The following MNAT1 variants were observed in gnomAD, a reference collection of about 807,000 sequenced individuals.
MNAT1 encodes MNAT1 component of CDK activating kinase.
Under a neutral mutation model 42.0 loss-of-function variants are expected in MNAT1, and 43 were observed. The ratio of observed to expected loss-of-function variants is 1.02; its 90% CI spans 0.80 to 1.32. The LOEUF (loss-of-function observed/expected upper bound fraction) is 1.32, where lower values mean the gene tolerates loss of function less well. Ranked by LOEUF, MNAT1 falls within the 40% of genes most tolerant of loss-of-function variation. MNAT1 has a pLI of 0.00. For synonymous variants in MNAT1, 118 were observed against 120.0 expected, an observed-to-expected ratio of 0.98 and a Z score of 0.11; for missense variants, 306 against 350.4, an observed-to-expected ratio of 0.87 and a Z score of 1.01.
At chr14:60,951,618 A>G (rs898443748) in intron 7 of MNAT1, among the ~76,000 whole-genome samples, 1 of 152,064 alleles carries the variant, frequency 6.6e-6, no homozygotes, top group Admixed American at 6.6e-5. Context: ...TCCTTGCCGT[A>G]TGGCAGCTAT....
At chr14:60,906,942 A>G (rs913482) in intron 7 of MNAT1, among the ~76,000 whole-genome samples, 140,595 of 152,154 alleles carry the variant, frequency 0.92, 65,507 homozygotes, top group Non-Finnish European at 0.99. Flanking sequence ...GAGTTTTACA[A>G]TCATCCCCAA....
chr14:60,852,520 C>A (rs2033850240), intron 6 of MNAT1, among the ~76,000 whole-genome samples: 1 of 152,098 alleles, frequency 6.6e-6, no homozygotes, highest in South Asian at 2.1e-4. Flanking sequence ...ATGATAGTTT[C>A]TTTTGCCATG....
At chr14:60,799,424 AG>A in intron 3 of MNAT1, 2 of 983,322 alleles carry the variant, frequency 2.0e-6, no homozygotes, top group Non-Finnish European at 2.4e-6. Flanking sequence ...ATAGATACTA[AG>A]TATAGGACAA....
In MNAT1 at chr14:60,918,735, A is replaced by AATATAT. The variant is rs140364759; in HGVS notation, c.809+38917_809+38922dup. Among the ~76,000 whole-genome samples, 51 of 18,456 alleles carry AATATAT rather than the reference A, an allele frequency of 2.8e-3. 1 individual carries two copies. The highest frequency in any genetic ancestry group is 9.3e-3 in the East Asian group (4 of 430). 12.1% of individuals were successfully genotyped at this position (18,456 alleles called of 152,430 possible). On this transcript the variant is annotated intron_variant, in intron 7 of 7. Transcript: ENST00000261245. ...CTTGTTTAATGACTATCCAGATGAG[A>AATATAT]ATATATATATATATATATATATTTT...
chr14:60,756,798 A>T (rs2030375039), intron 1 of MNAT1, among the ~76,000 whole-genome samples: 1 of 152,176 alleles, frequency 6.6e-6, no homozygotes, highest in African/African-American at 2.4e-5. Context: ...GTCTATTTTG[A>T]TGCCATATAG....
chr14:60,764,910 G>A (rs180869649), intron 1 of MNAT1, among the ~76,000 whole-genome samples: 1 of 152,222 alleles, frequency 6.6e-6, no homozygotes, highest in Admixed American at 6.5e-5. Flanking sequence ...GGGGCAGTGT[G>A]TATAATGAGG....
chr14:60,940,416 T>C (rs2036119940), intron 7 of MNAT1, among the ~76,000 whole-genome samples: 1 of 152,238 alleles, frequency 6.6e-6, no homozygotes, highest in Non-Finnish European at 1.5e-5. Flanking sequence ...CAAAGCTTTA[T>C]TTTTTGTTGT....
At chr14:60,920,231 A>G (rs552572479) in intron 7 of MNAT1, 1 of 152,296 alleles carries the variant, frequency 6.6e-6, no homozygotes, top group Non-Finnish European at 1.5e-5. Context: ...ATTAAAAAAA[A>G]AACTTTGAAA....
intron 7 of MNAT1, among the ~76,000 whole-genome samples, chr14:60,953,481 A>G (rs1337955894): frequency 6.6e-6 from 1 of 152,152 alleles, no homozygotes; most frequent in East Asian, 1.9e-4. Context: ...CTATTAGCAG[A>G]GGGTAAAAGT....
intron 6 of MNAT1, among the ~76,000 whole-genome samples, chr14:60,837,954 A>T (rs1030723668): frequency 4.6e-5 from 7 of 152,188 alleles, no homozygotes; most frequent in African/African-American, 1.7e-4. Flanking sequence ...CACATGAAAG[A>T]CCTGTAGCCT....
intron 7 of MNAT1, among the ~76,000 whole-genome samples, chr14:60,906,417 G>C (rs1433950022): frequency 1.3e-5 from 2 of 152,184 alleles, no homozygotes; most frequent in African/African-American, 2.4e-5. Context: ...GGTGGGCAAT[G>C]GTGGCAAGGG....
chr14:60,821,225 T>A (rs2032881197), intron 6 of MNAT1, among the ~76,000 whole-genome samples: 1 of 152,152 alleles, frequency 6.6e-6, no homozygotes, highest in South Asian at 2.1e-4. Context: ...CAAGTGATCC[T>A]CCTGCCTTGG....
chr14:60,781,887 T>G (rs182063544), intron 1 of MNAT1, among the ~76,000 whole-genome samples: 1 of 152,112 alleles, frequency 6.6e-6, no homozygotes, highest in Admixed American at 6.5e-5. Flanking sequence ...TAGTCATTTA[T>G]TTCCACATTG....
chr14:60,803,664 A>G (rs2032279149), intron 3 of MNAT1, among the ~76,000 whole-genome samples: 1 of 152,224 alleles, frequency 6.6e-6, no homozygotes, highest in Admixed American at 6.5e-5. Flanking sequence ...TCTTATAGGT[A>G]GAAGGGTGCT....
chr14:60,798,021 A>T, intron 2 of MNAT1, 66 bp from the exon 3 acceptor site: 2 of 766,998 alleles, frequency 2.6e-6, no homozygotes, highest in Non-Finnish European at 4.4e-6. Context: ...AGAACAAGCA[A>T]ACCAGTTAGA....
chr14:60,868,950 A>T (rs1566803002), intron 6 of MNAT1, among the ~76,000 whole-genome samples: 1 of 150,666 alleles, frequency 6.6e-6, no homozygotes, highest in African/African-American at 2.4e-5. Flanking sequence ...TGGAAACGTG[A>T]TCATCTTGCA....
chr14:60,767,364 G>A (rs1440080790), intron 1 of MNAT1, among the ~76,000 whole-genome samples: 1 of 152,144 alleles, frequency 6.6e-6, no homozygotes, highest in Non-Finnish European at 1.5e-5. Context: ...GTCTGGCTCA[G>A]TATTTCTTTT....
chr14:60,812,001 A>T lies in MNAT1; in HGVS notation c.435A>T (p.Glu145Asp). 1 of 1,586,104 alleles carries T rather than the reference A, an allele frequency of 6.3e-7. No homozygotes were observed. The highest frequency in any genetic ancestry group is 1.2e-5 in the South Asian group (1 of 84,070). ...TTTTGTTTTAGACTCGAGAACAGGA[A>T]GAACTGGAAGAAGCTTTAGAAGTGG... ...KNKLKLTREQ[E>D]ELEEALEVER... is the part of the protein sequence containing the mutation. The change falls in exon 5 of 8, where the codon GAA becomes GAT. Residue 145 changes from glutamate (E) to aspartate (D), a missense_variant. This residue lies in a region of MNAT1 where 118 missense variants were observed against 99.8 expected (regional missense o/e 1.18). Coordinates refer to ENST00000261245, the MANE Select transcript of MNAT1 (RefSeq NM_002431.4).
chr14:60,753,011 C>T (rs1052069831), intron 1 of MNAT1, among the ~76,000 whole-genome samples: 5 of 152,230 alleles, frequency 3.3e-5, no homozygotes, highest in African/African-American at 1.2e-4. Context: ...GTGACCCACC[C>T]ACCTTGGCCT....
Sources: gnomAD v4.1 joint callset for allele counts (sites outside exome capture counted in the v4.1 genomes callset) on GRCh38, gnomAD v4.1.1 for gene constraint, gnomAD v4.1.1 regional missense constraint, MANE v1.5 for transcripts, NCBI Gene and HGNC (gene_info 2026-07-23, HGNC 2026-07-21) for gene names.